The following NPRL3 variants were observed in gnomAD, a reference collection of about 807,000 sequenced individuals.
NPRL3 encodes NPR3 like, GATOR1 complex subunit.
Under a neutral mutation model 57.2 loss-of-function variants are expected in NPRL3, and 23 were observed. That is an observed-to-expected ratio of 0.40 (90% CI 0.29 to 0.57). The LOEUF (loss-of-function observed/expected upper bound fraction) is 0.57, where lower values mean the gene tolerates loss of function less well. Ranked by LOEUF, NPRL3 falls within the 20% of genes least tolerant of loss-of-function variation. The pLI, the probability that NPRL3 is intolerant of heterozygous loss-of-function variation, is 0.42. For synonymous variants in NPRL3, 333 were observed against 321.1 expected (o/e 1.04, Z -0.39); for missense variants, 691 against 767.1 (o/e 0.90, Z 1.17).
At position 85,484 on chromosome 16, in the gene NPRL3, A is replaced by G; in HGVS notation, c.*1221T>C. On this transcript the variant is annotated 3_prime_UTR_variant, in exon 14 of 14. Transcript: ENST00000611875. ...GCGTCAGCTTCGCAGCACCCTCCGG[A>G]AAGGCACCGCCAGCCGTGTCCTCAA... The G allele has an allele frequency of 6.2e-7, 1 of 1,613,208 alleles. No individual in the cohort carries two copies.
At chr16:91,278 G>T (rs1186244959) in intron 11 of NPRL3, among the ~76,000 whole-genome samples, 1 of 151,706 alleles carries the variant, frequency 6.6e-6, no homozygotes, top group East Asian at 1.9e-4. Flanking sequence ...ACTCGGGAGG[G>T]TGAGGCAGGA....
intron 3 of NPRL3, among the ~76,000 whole-genome samples, chr16:122,116 A>G (rs1009811238): frequency 6.9e-6 from 1 of 144,328 alleles, no homozygotes; most frequent in Non-Finnish European, 1.5e-5. Flanking sequence ...TTCCCCCTTG[A>G]GATGGAGTCT....
chr16:124,908 C>G (rs537834758), intron 3 of NPRL3: 1 of 152,636 alleles, frequency 6.6e-6, no homozygotes, highest in Non-Finnish European at 1.5e-5. Context: ...GAAACCCTGT[C>G]TCTACTTAAA....
chr16:115,618 T>A (rs1899999155), intron 5 of NPRL3, among the ~76,000 whole-genome samples: 1 of 152,116 alleles, frequency 6.6e-6, no homozygotes, highest in South Asian at 2.1e-4. Context: ...CCTGAGTAGC[T>A]GGAATTACAG....
chr16:95,938 C>T (rs761732597), intron 9 of NPRL3, among the ~76,000 whole-genome samples: 7 of 152,188 alleles, frequency 4.6e-5, no homozygotes, highest in African/African-American at 1.2e-4. Flanking sequence ...GGGCTATCTC[C>T]GGAAACAGAG....
rs141804873 is a variant in NPRL3, at chr16:110,770, G to A, written c.548-164C>T. Reference sequence around the variant, plus strand: ...TCACCATGTTGGCCAGGCTGGTCTCGAACTCCTGTCCTCAAGTGATCCATC... The same window carrying A: ...TCACCATGTTGGCCAGGCTGGTCTCAAACTCCTGTCCTCAAGTGATCCATC... On this transcript the variant is annotated intron_variant, in intron 6 of 13. Coordinates refer to ENST00000611875, the MANE Select transcript of NPRL3 (RefSeq NM_001077350.3). Among the ~76,000 whole-genome samples, 715 of 152,142 alleles carry A rather than the reference G, an allele frequency of 4.7e-3. 13 individuals carry two copies. The highest frequency in any genetic ancestry group is 0.04 in the East Asian group (208 of 5,168).
chr16:108,989 T>G (rs540398599), intron 7 of NPRL3, among the ~76,000 whole-genome samples: 1 of 144,330 alleles, frequency 6.9e-6, no homozygotes, highest in African/African-American at 2.6e-5. Flanking sequence ...TCATTTTTGA[T>G]ACGCGGTCTG....
chr16:88,638 T>C, intron 13 of NPRL3, 60 bp downstream of exon 13: 3 of 1,460,916 alleles, frequency 2.1e-6, no homozygotes, highest in Non-Finnish European at 2.8e-6. Flanking sequence ...TACGTCCCTA[T>C]CCACTTTCTG....
At chr16:97,636 C>T (rs1232641544) in intron 9 of NPRL3, among the ~76,000 whole-genome samples, 3 of 152,116 alleles carry the variant, frequency 2.0e-5, no homozygotes, top group South Asian at 2.1e-4. Context: ...AAGCATGTGG[C>T]TCAGCAAGGA....
intron 4 of NPRL3, among the ~76,000 whole-genome samples, chr16:117,867 G>A (rs1390393391): frequency 6.6e-6 from 1 of 152,238 alleles, no homozygotes; most frequent in African/African-American, 2.4e-5. Context: ...ACAAGGACCA[G>A]GGCGCTCAAG....
At chr16:132,648 T>C (rs991513286) in intron 2 of NPRL3, among the ~76,000 whole-genome samples, 4 of 151,968 alleles carry the variant, frequency 2.6e-5, no homozygotes, top group African/African-American at 4.8e-5. Context: ...ATGGCAGCTA[T>C]AGCCTTACAA....
At chr16:115,532 T>C (rs566066195) in intron 5 of NPRL3, among the ~76,000 whole-genome samples, 1 of 150,816 alleles carries the variant, frequency 6.6e-6, no homozygotes, top group Non-Finnish European at 1.5e-5. Flanking sequence ...GTTGCCCAGA[T>C]TGGAGTGCAA....
At chr16:132,661 T>A (rs1271137467) in intron 2 of NPRL3, among the ~76,000 whole-genome samples, 3 of 151,110 alleles carry the variant, frequency 2.0e-5, no homozygotes. Context: ...CCTTACAAAT[T>A]GTATTTCTTT....
intron 2 of NPRL3, among the ~76,000 whole-genome samples, chr16:136,681 T>A (rs1901100112): frequency 1.4e-5 from 2 of 138,186 alleles, no homozygotes; most frequent in South Asian, 4.5e-4. Context: ...ACTGCAAGAC[T>A]CGTCTCAAAA....
chr16:85,716 T>G lies in NPRL3; in HGVS notation c.*989A>C. 3 of 1,533,112 alleles carry G rather than the reference T, an allele frequency of 2.0e-6. No homozygotes were observed. The highest frequency in any genetic ancestry group is 2.6e-6 in the Non-Finnish European group (3 of 1,137,402). The allele number at this position is 1,533,112 out of a possible 1,614,324, so 95.0% of individuals were successfully genotyped here. ...GCCCGGAAACCCCTCCGCTTCTATG[T>G]CCGGGGCAGCCCCTGGGTCAGTGTG... is the stretch of plus-strand genomic sequence containing the variant. On this transcript the variant is annotated 3_prime_UTR_variant, in exon 14 of 14. Coordinates refer to ENST00000611875, the MANE Select transcript of NPRL3 (RefSeq NM_001077350.3).
Position 134,024 on chromosome 16 carries a change from T to G in NPRL3, c.119-3433A>C, listed in dbSNP as rs183354916. On this transcript the variant is annotated intron_variant, in intron 2 of 13. Transcript: ENST00000611875. Reference sequence around the variant, plus strand: ...CCCCAAAACAATCACAATAGTAACATAAAGATCATGTATCACCGTAACAGA... The same window carrying G: ...CCCCAAAACAATCACAATAGTAACAGAAAGATCATGTATCACCGTAACAGA... Among the ~76,000 whole-genome samples the G allele has an allele frequency of 4.6e-5, 7 of 152,180 alleles. No homozygotes were observed. The East Asian group carries it at 1.4e-3, about 29-fold the overall frequency.
At chr16:137,509 T>G (rs1901155883) in intron 2 of NPRL3, among the ~76,000 whole-genome samples, 1 of 151,560 alleles carries the variant, frequency 6.6e-6, no homozygotes, top group African/African-American at 2.4e-5. Flanking sequence ...CTGTGCTTGC[T>G]AGAACTGGGG....
At chr16:131,082 C>G (rs1900768058) in intron 2 of NPRL3, among the ~76,000 whole-genome samples, 1 of 152,244 alleles carries the variant, frequency 6.6e-6, no homozygotes, top group South Asian at 2.1e-4. Context: ...TGCCTGTAAT[C>G]CCAACCCTTT....
chr16:120,932 C>T (rs988129768), intron 3 of NPRL3, among the ~76,000 whole-genome samples: 10 of 152,160 alleles, frequency 6.6e-5, no homozygotes, highest in African/African-American at 2.4e-4. Context: ...TAGCAACTGA[C>T]CCAGGGCCAA....
Sources: allele counts gnomAD v4.1 joint callset (sites outside exome capture counted in the v4.1 genomes callset), GRCh38; gene constraint gnomAD v4.1.1; transcripts MANE v1.5; gene names NCBI Gene and HGNC (gene_info 2026-07-23, HGNC 2026-07-21).